GLO1: variants seen among roughly 807,000 people sequenced by gnomAD.
GLO1 encodes the protein lactoylglutathione lyase.
GLO1 carries 28 observed loss-of-function variants against 26.0 expected under a neutral mutation model. The ratio of observed to expected loss-of-function variants is 1.08; its 90% CI spans 0.80 to 1.48. The LOEUF (loss-of-function observed/expected upper bound fraction) is 1.48. Among genes scored for constraint, GLO1 ranks in the 40% most tolerant of loss-of-function variants. The pLI is 0.00. For synonymous variants in GLO1, 78 were observed against 77.6 expected, an observed-to-expected ratio of 1.00 and a Z score of -0.03; for missense variants, 225 against 224.8, an observed-to-expected ratio of 1.00 and a Z score of -0.01.
chr6:38,699,402 T>A (rs375462345), intron 1 of GLO1, among the ~76,000 whole-genome samples: 3 of 152,128 alleles, frequency 2.0e-5, no homozygotes, highest in Non-Finnish European at 4.4e-5. Context: ...TTGAACAATA[T>A]GAAATCGGCG....
chr6:38,688,280 G>A (rs1051137691), intron 1 of GLO1, among the ~76,000 whole-genome samples: 7 of 152,042 alleles, frequency 4.6e-5, no homozygotes, highest in South Asian at 2.1e-4. Context: ...TAAAGGTCTC[G>A]ATTTTATCAA....
intron 1 of GLO1, among the ~76,000 whole-genome samples, chr6:38,690,172 A>G (rs930624698): frequency 5.3e-5 from 8 of 152,214 alleles, no homozygotes; most frequent in African/African-American, 1.9e-4. Context: ...GGCATCCATC[A>G]CAACACTTAC....
At chr6:38,696,345 G>T (rs989513709) in intron 1 of GLO1, among the ~76,000 whole-genome samples, 5 of 151,648 alleles carry the variant, frequency 3.3e-5, no homozygotes, top group African/African-American at 4.8e-5. Flanking sequence ...ACATCTTAAA[G>T]TTAAAATCTC....
rs75521110 is a variant in GLO1, at chr6:38,703,096, G to C, written c.-42C>G. 2.5e-3 allele frequency: 2,931 copies of C among 1,167,024 alleles called. 35 individuals carry two copies. In the East Asian group the frequency reaches 0.04, roughly 16 times the overall value. The allele number at this position is 1,167,024 out of a possible 1,614,324, so 72.3% of individuals were successfully genotyped here. On this transcript the variant is annotated 5_prime_UTR_variant, in exon 1 of 6. Transcript: ENST00000373365. ...CACAGACGACGGGACCCAAGGAACGGAGGAGTCACCCACACTACGCCTCGG... is the reference window on the plus strand; with the variant it reads ...CACAGACGACGGGACCCAAGGAACGCAGGAGTCACCCACACTACGCCTCGG...
chr6:38,682,933 C>A (rs2127546244), intron 3 of GLO1, 58 bp from the exon 4 acceptor site: 1 of 979,104 alleles, frequency 1.0e-6, no homozygotes, highest in Non-Finnish European at 1.6e-6. Flanking sequence ...TTCTGAAAAG[C>A]AAGTAACATC....
intron 1 of GLO1, among the ~76,000 whole-genome samples, chr6:38,696,570 T>C (rs115595207): frequency 2.4e-4 from 37 of 152,336 alleles, no homozygotes; most frequent in African/African-American, 8.7e-4. Context: ...CAGTCTCTTT[T>C]ATAGGATGCT....
intron 3 of GLO1, among the ~76,000 whole-genome samples, chr6:38,683,927 GGGCCA>G (rs1761425667): frequency 6.6e-6 from 1 of 150,926 alleles, no homozygotes; most frequent in South Asian, 2.1e-4. Context: ...AAAGACAAAT[GGGCCA>G]GGCGTGGTGG....
At position 38,677,063 on chromosome 6, in the gene GLO1, AAAAT is replaced by A; in HGVS notation, c.*228_*231del. 1 of 501,352 alleles carries A rather than the reference AAAAT, an allele frequency of 2.0e-6. No homozygotes were observed. Among genetic ancestry groups the A allele is most frequent in the Non-Finnish European group, 3.5e-6 (1 of 287,890 alleles). 31.1% of individuals were successfully genotyped at this position (501,352 alleles called of 1,614,324 possible). A position where few individuals can be genotyped will look rare whatever the true frequency, so the allele number is the denominator to read the frequency against. On this transcript the variant is annotated 3_prime_UTR_variant, in exon 6 of 6. Coordinates refer to ENST00000373365, the MANE Select transcript of GLO1 (RefSeq NM_006708.3). ...GGGAACTGTTCTAATTATTACCTAA[AAAAT>A]AAAGTTACACAACTATATTCAAGGA...
At chr6:38,699,615 G>A (rs536726988) in intron 1 of GLO1, among the ~76,000 whole-genome samples, 19 of 152,016 alleles carry the variant, frequency 1.2e-4, no homozygotes, top group Admixed American at 3.3e-4. Flanking sequence ...GGAAAGGAAC[G>A]CATTCCTGGG....
chr6:38,679,605 G>A lies in GLO1; in HGVS notation c.467-2222C>T, dbSNP rs1333638627. Among the ~76,000 whole-genome samples, 6 of 152,084 alleles carry A rather than the reference G, an allele frequency of 3.9e-5. No individual in the cohort carries two copies. In the East Asian group the frequency reaches 1.2e-3, roughly 29 times the overall value. ...GAGGCCAGGAGTTTGAGACCAGCCT[G>A]AGATACATAGTAAGACCCTGTCTCT... is the stretch of plus-strand genomic sequence containing the variant. On this transcript the variant is annotated intron_variant, in intron 5 of 5. Transcript: ENST00000373365.
intron 2 of GLO1, among the ~76,000 whole-genome samples, chr6:38,685,810 A>C (rs1487473254): frequency 6.6e-6 from 1 of 152,204 alleles, no homozygotes; most frequent in Non-Finnish European, 1.5e-5. Context: ...GCTTACTGTC[A>C]ACTTGTACCC....
intron 1 of GLO1, among the ~76,000 whole-genome samples, chr6:38,695,019 A>C (rs931417321): frequency 6.6e-6 from 1 of 152,218 alleles, no homozygotes; most frequent in Admixed American, 6.5e-5. Context: ...TGTAGACAGC[A>C]TACAGCTGGG....
chr6:38,694,172 T>C lies in GLO1; in HGVS notation c.85-7198A>G, dbSNP rs556699706. Among the ~76,000 whole-genome samples, 18 of 152,322 alleles carry C rather than the reference T, an allele frequency of 1.2e-4. No individual in the cohort carries two copies. The South Asian group carries it at 3.7e-3, about 32-fold the overall frequency. ...TCCACTGTTGCTGAAGAATACATCATTCCATTCTTTTAAATTTGCTGAAGT... is the reference window on the plus strand; with the variant it reads ...TCCACTGTTGCTGAAGAATACATCACTCCATTCTTTTAAATTTGCTGAAGT... On this transcript the variant is annotated intron_variant, in intron 1 of 5. Coordinates refer to ENST00000373365, the MANE Select transcript of GLO1 (RefSeq NM_006708.3).
intron 5 of GLO1, among the ~76,000 whole-genome samples, chr6:38,681,076 A>AT (rs1415168708): frequency 6.6e-6 from 1 of 151,990 alleles, no homozygotes; most frequent in Non-Finnish European, 1.5e-5. Flanking sequence ...ATATATATAT[A>AT]TTTTTGTGAC....
rs900212618 is a variant in GLO1 at position 38,686,966 on chromosome 6, T to A, written c.93A>T (p.Leu31=). 2.5e-6 allele frequency: 4 copies of A among 1,599,910 alleles called. No homozygotes were observed. Among genetic ancestry groups the A allele is most frequent in the East Asian group, 4.5e-5 (2 of 44,818 alleles). Residue 31 remains leucine (L), a synonymous_variant, in exon 2 of 6, where the codon CTA becomes CTT. Coordinates refer to ENST00000373365, the MANE Select transcript of GLO1 (RefSeq NM_006708.3). Reference sequence around the variant, plus strand: ...TCACTCGTAGCATGGTCTGCTGCAATAGAAAATCCTATGGAAAAATATTTA... The same window carrying A: ...TCACTCGTAGCATGGTCTGCTGCAAAAGAAAATCCTATGGAAAAATATTTA... ...SDADPSTKDF[L]LQQTMLRVKD...
intron 1 of GLO1, among the ~76,000 whole-genome samples, chr6:38,695,063 C>T (rs1761589414): frequency 6.6e-6 from 1 of 152,174 alleles, no homozygotes; most frequent in African/African-American, 2.4e-5. Context: ...CAATCATTGT[C>T]TCTTAATGTA....
chr6:38,697,334 A>G (rs965160354), intron 1 of GLO1, among the ~76,000 whole-genome samples: 3 of 152,388 alleles, frequency 2.0e-5, no homozygotes, highest in Non-Finnish European at 4.4e-5. Context: ...ATTGCCAACA[A>G]AGAAGTATCA....
In GLO1 at chr6:38,703,132, C is replaced by T. The variant is rs1002573696; in HGVS notation, c.-78G>A. The T allele has an allele frequency of 9.3e-6, 8 of 856,086 alleles. No homozygotes were observed. The East Asian group carries it at 1.7e-4, about 18-fold the overall frequency. The allele number at this position is 856,086 out of a possible 1,614,324, so 53.0% of individuals were successfully genotyped here. A position where few individuals can be genotyped will look rare whatever the true frequency, so the allele number is the denominator to read the frequency against. On this transcript the variant is annotated 5_prime_UTR_variant, in exon 1 of 6. Coordinates refer to ENST00000373365, the MANE Select transcript of GLO1 (RefSeq NM_006708.3). ...CACACTACGCCTCGGCCCTGTGCCG[C>T]CTTAACTAGGAATGGCGCGATGGCG... is the stretch of plus-strand genomic sequence containing the variant.
At chr6:38,690,126 A>T (rs1035493688) in intron 1 of GLO1, among the ~76,000 whole-genome samples, 1 of 152,204 alleles carries the variant, frequency 6.6e-6, no homozygotes, top group African/African-American at 2.4e-5. Flanking sequence ...TAAAATTCTA[A>T]GGAAATAATT....
Sources: gnomAD v4.1 joint callset for allele counts (sites outside exome capture counted in the v4.1 genomes callset) on GRCh38, gnomAD v4.1.1 for gene constraint, MANE v1.5 for transcripts, NCBI Gene and HGNC (gene_info 2026-07-23, HGNC 2026-07-21) for gene names.